C9orf57: variants seen among roughly 807,000 people sequenced by gnomAD.
The protein encoded by C9orf57 is uncharacterized protein C9orf57.
C9orf57 carries 12 observed loss-of-function variants against 12.9 expected under a neutral mutation model. The ratio of observed to expected loss-of-function variants is 0.93; its 90% CI spans 0.60 to 1.51. C9orf57 has a LOEUF of 1.51. Ranked by LOEUF, C9orf57 falls within the 40% of genes most tolerant of loss-of-function variation. The pLI, the probability that C9orf57 is intolerant of heterozygous loss-of-function variation, is 0.00. For synonymous variants in C9orf57, 49 were observed against 57.1 expected (o/e 0.86, Z 0.64); for missense variants, 141 against 162.8 (o/e 0.87, Z 0.73).
chr9:72,052,344 A>G lies in C9orf57; in HGVS notation c.372T>C (p.His124=). The stretch of plus-strand genomic sequence containing the variant: ...TGCAGCAGTGAGTAGTTACAAGTTC[A>G]TGCAGTTGCAGAATTCTCTTGACGA... The part of the protein sequence containing the change: ...STLVKRILQL[H]ELVTTHCCNH... Residue 124 remains histidine (H), a synonymous_variant, in exon 5 of 5, where the codon CAT becomes CAC. Transcript: ENST00000651200. The G allele has an allele frequency of 6.4e-7, 1 of 1,551,886 alleles. No homozygotes were observed. Among genetic ancestry groups the G allele is most frequent in the Non-Finnish European group, 8.7e-7 (1 of 1,147,020 alleles).
At chr9:72,059,171 G>T in intron 2 of C9orf57, 64 bp downstream of exon 2, 5 of 1,541,446 alleles carry the variant, frequency 3.2e-6, no homozygotes, top group Non-Finnish European at 3.5e-6. Context: ...GAGCCGCCAC[G>T]CTCGGCCCTA....
intron 4 of C9orf57, among the ~76,000 whole-genome samples, chr9:72,052,855 G>A (rs1361021859): frequency 1.3e-5 from 2 of 152,182 alleles, no homozygotes; most frequent in Non-Finnish European, 2.9e-5. Flanking sequence ...AAATGGAGGT[G>A]TATGTATGAC....
intron 1 of C9orf57, among the ~76,000 whole-genome samples, chr9:72,060,172 G>C (rs1255523570): frequency 6.6e-6 from 1 of 152,028 alleles, no homozygotes; most frequent in African/African-American, 2.4e-5. Context: ...TCAGCCTCCC[G>C]AGTAGCTGGG....
At chr9:72,054,101 C>T (rs574176107) in intron 4 of C9orf57, among the ~76,000 whole-genome samples, 6 of 152,340 alleles carry the variant, frequency 3.9e-5, no homozygotes, top group East Asian at 3.9e-4. Flanking sequence ...CGGGTTCAAG[C>T]GATTCTCCTG....
At chr9:72,054,596 T>A (rs1361764588) in intron 4 of C9orf57, among the ~76,000 whole-genome samples, 1 of 152,224 alleles carries the variant, frequency 6.6e-6, no homozygotes, top group Non-Finnish European at 1.5e-5. Flanking sequence ...TATATTGTTT[T>A]CATAATTTGC....
In C9orf57 at chr9:72,059,306, A is replaced by G; in HGVS notation, c.26T>C (p.Val9Ala). 1 of 1,551,850 alleles carries G rather than the reference A, an allele frequency of 6.4e-7. No homozygotes were observed. Among genetic ancestry groups the G allele is most frequent in the Non-Finnish European group, 8.7e-7 (1 of 1,147,022 alleles). Residue 9 changes from valine to alanine, a missense_variant, in exon 2 of 5, where the codon GTT becomes GCT. Physicochemically the swap from Val to Ala is moderately conservative, Grantham distance 64 (BLOSUM62 0). Transcript: ENST00000651200. The part of the protein sequence containing the change: MRRIVFAG[V>A]ILFRLLGVIL... Reference sequence around the variant, plus strand: ...AACACCTAAGAGGCGGAATAAGATAACACCAGCAAAAACAATCCTTCTCAT... The same window carrying G: ...AACACCTAAGAGGCGGAATAAGATAGCACCAGCAAAAACAATCCTTCTCAT...
At chr9:72,054,807 TA>T (rs1233709387) in intron 4 of C9orf57, among the ~76,000 whole-genome samples, 2 of 151,950 alleles carry the variant, frequency 1.3e-5, no homozygotes, top group Non-Finnish European at 2.9e-5. Flanking sequence ...TTCACCCAGT[TA>T]ATTCCTTATC....
intron 2 of C9orf57, 87 bp downstream of exon 2, chr9:72,059,148 G>A: frequency 2.0e-6 from 3 of 1,504,458 alleles, no homozygotes; most frequent in East Asian, 2.5e-5. Context: ...CAAAGTGCTG[G>A]GATTACAGGC....
Position 72,052,223 on chromosome 9 carries a change from A to G in C9orf57, c.*73T>C. On this transcript the variant is annotated 3_prime_UTR_variant, in exon 5 of 5. Transcript: ENST00000651200. ...TGAAGTGGGCTAATTGACAATAGCC[A>G]TCATTTTGTGATAGCCAGGTCAGGC... 6.7e-7 allele frequency: 1 copy of G among 1,493,750 alleles called. No homozygotes were observed. 92.5% of individuals were successfully genotyped at this position (1,493,750 alleles called of 1,614,324 possible). A position where few individuals can be genotyped will look rare whatever the true frequency, so the allele number is the denominator to read the frequency against.
intron 4 of C9orf57, 126 bp downstream of exon 4, chr9:72,055,948 T>C (rs1007300440): frequency 4.2e-6 from 4 of 960,958 alleles, no homozygotes; most frequent in Admixed American, 3.2e-5. Context: ...CTCTTTTCAT[T>C]GTTTTGTTGG....
intron 2 of C9orf57, among the ~76,000 whole-genome samples, chr9:72,058,953 T>C (rs1377011193): frequency 6.6e-6 from 1 of 151,958 alleles, no homozygotes; most frequent in Non-Finnish European, 1.5e-5. Context: ...TCTTGGCTCA[T>C]CGCAACCTCT....
chr9:72,053,983 G>A (rs1260874086), intron 4 of C9orf57, among the ~76,000 whole-genome samples: 1 of 152,104 alleles, frequency 6.6e-6, no homozygotes, highest in African/African-American at 2.4e-5. Flanking sequence ...CCCTATAGAT[G>A]AACGTTTAGG....
intron 4 of C9orf57, among the ~76,000 whole-genome samples, chr9:72,054,432 T>G (rs1824145745): frequency 6.6e-6 from 1 of 152,250 alleles, no homozygotes; most frequent in East Asian, 1.9e-4. Context: ...CTGTGTTTAT[T>G]TAAAATTTTA....
chr9:72,055,734 T>C (rs927624364), intron 4 of C9orf57, among the ~76,000 whole-genome samples: 1 of 152,036 alleles, frequency 6.6e-6, no homozygotes, highest in Non-Finnish European at 1.5e-5. Context: ...GCTCTGAAAA[T>C]TGTGTATTAC....
At chr9:72,054,044 G>A (rs917412962) in intron 4 of C9orf57, among the ~76,000 whole-genome samples, 1 of 152,210 alleles carries the variant, frequency 6.6e-6, no homozygotes, top group Non-Finnish European at 1.5e-5. Context: ...TGTTGCCCAT[G>A]CTGGAGTGCA....
At position 72,051,953 on chromosome 9, in the gene C9orf57, T is replaced by C. The variant is rs1275131580; in HGVS notation, c.*343A>G. 1 of 229,278 alleles carries C rather than the reference T, an allele frequency of 4.4e-6. No homozygotes were observed. Among genetic ancestry groups the C allele is most frequent in the African/African-American group, 2.3e-5 (1 of 43,476 alleles). The allele number at this position is 229,278 out of a possible 1,614,324, so 14.2% of individuals were successfully genotyped here. A position where few individuals can be genotyped will look rare whatever the true frequency, so the allele number is the denominator to read the frequency against. ...AACCATATTTTGGAGTATGGAATTA[T>C]TGAGGGAAATGAAAGTAGTTAGAGG... is the stretch of plus-strand genomic sequence containing the variant. On this transcript the variant is annotated 3_prime_UTR_variant, in exon 5 of 5. Transcript: ENST00000651200.
intron 2 of C9orf57, among the ~76,000 whole-genome samples, chr9:72,058,932 C>T (rs1390524064): frequency 1.3e-5 from 2 of 151,994 alleles, no homozygotes; most frequent in African/African-American, 2.4e-5. Context: ...GGCTGGAGTG[C>T]AATGGCATGA....
At position 72,052,247 on chromosome 9, in the gene C9orf57, G is replaced by A. The variant is rs1196641712; in HGVS notation, c.*49C>T. ...CATCATTTTGTGATAGCCAGGTCAG[G>A]CTTCGAGACTGATTGATCTGCCAAG... On this transcript the variant is annotated 3_prime_UTR_variant, in exon 5 of 5. Transcript: ENST00000651200. 1 of 1,540,104 alleles carries A rather than the reference G, an allele frequency of 6.5e-7. No individual in the cohort carries two copies. The highest frequency in any genetic ancestry group is 8.8e-7 in the Non-Finnish European group (1 of 1,141,150).
chr9:72,058,002 C>A (rs2132438458), intron 2 of C9orf57, among the ~76,000 whole-genome samples: 1 of 152,244 alleles, frequency 6.6e-6, no homozygotes, highest in African/African-American at 2.4e-5. Context: ...ATTAAATAAA[C>A]TCACAGATTC....
Sources: gnomAD v4.1 joint callset for allele counts (sites outside exome capture counted in the v4.1 genomes callset) on GRCh38, gnomAD v4.1.1 for gene constraint, MANE v1.5 for transcripts, NCBI Gene and HGNC (gene_info 2026-07-23, HGNC 2026-07-21) for gene names.